Variants in PLCB1 observed in about 807,000 individuals in gnomAD.
The protein encoded by PLCB1 is 1-phosphatidylinositol 4,5-bisphosphate phosphodiesterase beta-1.
PLCB1 carries 46 observed loss-of-function variants against 161.8 expected under a neutral mutation model. The ratio of observed to expected loss-of-function variants is 0.28; its 90% CI spans 0.22 to 0.36. The LOEUF is 0.36. PLCB1 is among the 10% of genes least tolerant of loss of function. The pLI is 1.00. For missense variants in PLCB1, 1,016 were observed against 1,472.5 expected, an observed-to-expected ratio of 0.69 and a Z score of 5.07; for synonymous variants, 517 against 503.7, an observed-to-expected ratio of 1.03 and a Z score of -0.35.
chr20:8,250,115 C>G (rs1368060364), intron 2 of PLCB1, among the ~76,000 whole-genome samples: 1 of 151,910 alleles, frequency 6.6e-6, no homozygotes, highest in African/African-American at 2.4e-5. Flanking sequence ...GCTGCAAAAT[C>G]AAACACACGA....
intron 3 of PLCB1, among the ~76,000 whole-genome samples, chr20:8,540,242 A>G (rs1247749172): frequency 6.6e-6 from 1 of 152,092 alleles, no homozygotes; most frequent in Non-Finnish European, 1.5e-5. Flanking sequence ...TGAATGAGCT[A>G]TTACTTGATA....
chr20:8,796,895 C>T (rs986051456), intron 31 of PLCB1, among the ~76,000 whole-genome samples: 4 of 152,142 alleles, frequency 2.6e-5, no homozygotes, highest in Admixed American at 6.5e-5. Flanking sequence ...CTTTGTGAAA[C>T]GTTTTTTCTT....
intron 31 of PLCB1, among the ~76,000 whole-genome samples, chr20:8,819,959 T>C (rs1000320878): frequency 6.6e-6 from 1 of 150,444 alleles, no homozygotes; most frequent in African/African-American, 2.4e-5. Context: ...TTTATTTATA[T>C]GTATTATAAA....
chr20:8,339,959 C>A (rs546412398), intron 2 of PLCB1, among the ~76,000 whole-genome samples: 1 of 152,216 alleles, frequency 6.6e-6, no homozygotes, highest in Admixed American at 6.5e-5. Context: ...AAGACCCTGT[C>A]TCTTCACAAA....
At chr20:8,365,017 G>C (rs1986662260) in intron 2 of PLCB1, among the ~76,000 whole-genome samples, 1 of 152,048 alleles carries the variant, frequency 6.6e-6, no homozygotes, top group South Asian at 2.1e-4. Context: ...TTTTCTGCTA[G>C]GATCTTTCCC....
chr20:8,743,089 A>G (rs1243352493), intron 23 of PLCB1, among the ~76,000 whole-genome samples: 5 of 152,180 alleles, frequency 3.3e-5, no homozygotes, highest in African/African-American at 4.8e-5. Context: ...AGTATGTTGA[A>G]TAACAGTGGT....
Position 8,330,604 on chromosome 20 carries a change from T to G in PLCB1, c.178-40778T>G, listed in dbSNP as rs76289124. On this transcript the variant is annotated intron_variant, in intron 2 of 31. Transcript: ENST00000338037. ...ATGAATGCATGTCAGGCTATGGAGC[T>G]TTCTTGTTTCTGAAGAAGTTGTTGG... 2.7e-4 allele frequency among the ~76,000 whole-genome samples: 41 copies of G among 152,354 alleles called. No homozygotes were observed. In the East Asian group the frequency reaches 7.7e-3, roughly 29 times the overall value.
At chr20:8,447,145 T>C (rs1160089828) in intron 3 of PLCB1, among the ~76,000 whole-genome samples, 1 of 152,230 alleles carries the variant, frequency 6.6e-6, no homozygotes, top group East Asian at 1.9e-4. Context: ...AAAGGCCAGC[T>C]ATACCCTGCA....
At chr20:8,600,780 A>C (rs1004412904) in intron 3 of PLCB1, 8 of 151,952 alleles carry the variant, frequency 5.3e-5, no homozygotes, top group African/African-American at 1.9e-4. Flanking sequence ...CCTCCGAGCC[A>C]GGTAAGGGAT....
chr20:8,320,553 T>A (rs2122156853), intron 2 of PLCB1, among the ~76,000 whole-genome samples: 1 of 152,244 alleles, frequency 6.6e-6, no homozygotes, highest in African/African-American at 2.4e-5. Flanking sequence ...GTGGCTTCAG[T>A]TAGGGTTTCC....
At chr20:8,587,371 G>A (rs77866931) in intron 3 of PLCB1, among the ~76,000 whole-genome samples, 3,468 of 152,162 alleles carry the variant, frequency 0.023, 85 homozygotes, top group African/African-American at 0.056. Flanking sequence ...ACCCTGTTAG[G>A]AGGGTGTGTG....
chr20:8,757,187 T>C lies in PLCB1; in HGVS notation c.2656+9T>C, dbSNP rs1290598481. On this transcript the variant is annotated intron_variant, in intron 24 of 31. Transcript: ENST00000338037. The stretch of plus-strand genomic sequence containing the variant: ...CAGCCAGCCAGCTCCAGGTAAGCCA[T>C]CTGGAAAGAGCTGGACAACATGAGC... 1 of 1,606,062 alleles carries C rather than the reference T, an allele frequency of 6.2e-7. No homozygotes were observed. Among genetic ancestry groups the C allele is most frequent in the Admixed American group, 1.7e-5 (1 of 58,064 alleles).
intron 2 of PLCB1, among the ~76,000 whole-genome samples, chr20:8,308,565 C>T (rs944276883): frequency 7.4e-5 from 11 of 147,996 alleles, no homozygotes; most frequent in African/African-American, 1.5e-4. Context: ...TGCAGTGAGC[C>T]GAGACCGTGC....
intron 3 of PLCB1, among the ~76,000 whole-genome samples, chr20:8,403,898 G>T (rs1396747254): frequency 6.6e-6 from 1 of 152,118 alleles, no homozygotes; most frequent in Non-Finnish European, 1.5e-5. Flanking sequence ...TTGTACTTGA[G>T]TATCCATTAT....
chr20:8,408,135 T>C (rs560591802), intron 3 of PLCB1, among the ~76,000 whole-genome samples: 24 of 152,332 alleles, frequency 1.6e-4, no homozygotes, highest in African/African-American at 5.1e-4. Context: ...AAATATATCA[T>C]ACTAATGTAA....
intron 3 of PLCB1, among the ~76,000 whole-genome samples, chr20:8,624,190 C>T (rs561112404): frequency 9.9e-5 from 15 of 152,270 alleles, no homozygotes; most frequent in Admixed American, 4.6e-4. Context: ...CTGAGTGCTA[C>T]TGGAAAGCCT....
chr20:8,536,966 G>A (rs763081784), intron 3 of PLCB1, among the ~76,000 whole-genome samples: 6 of 152,146 alleles, frequency 3.9e-5, no homozygotes, highest in Non-Finnish European at 8.8e-5. Flanking sequence ...TATAGAGCAA[G>A]CATCTTCCCT....
intron 3 of PLCB1, among the ~76,000 whole-genome samples, chr20:8,438,578 A>G (rs1248737572): frequency 1.3e-5 from 2 of 152,208 alleles, no homozygotes; most frequent in Non-Finnish European, 2.9e-5. Flanking sequence ...ACCCAATAAG[A>G]AAGTGAAGTT....
chr20:8,357,130 C>G (rs1435313846), intron 2 of PLCB1, among the ~76,000 whole-genome samples: 1 of 152,160 alleles, frequency 6.6e-6, no homozygotes, highest in Non-Finnish European at 1.5e-5. Flanking sequence ...AAAAATTATA[C>G]ACCCAGGGAT....
Sources: gnomAD v4.1 joint callset for allele counts (sites outside exome capture counted in the v4.1 genomes callset) on GRCh38, gnomAD v4.1.1 for gene constraint, MANE v1.5 for transcripts, NCBI Gene and HGNC (gene_info 2026-07-23, HGNC 2026-07-21) for gene names.